The following GLIS3 variants were observed in gnomAD, a reference collection of about 807,000 sequenced individuals.
GLIS3 encodes zinc finger protein GLIS3.
GLIS3 carries 53 observed loss-of-function variants against 78.6 expected under a neutral mutation model. The ratio of observed to expected loss-of-function variants is 0.67; its 90% CI spans 0.54 to 0.85. GLIS3 has a LOEUF of 0.85. GLIS3 is among the 40% of genes least tolerant of loss of function. The pLI, the probability that GLIS3 is intolerant of heterozygous loss-of-function variation, is 0.00. For missense variants in GLIS3, 1,703 were observed against 1,231.1 expected (o/e 1.38, Z -5.74); for synonymous variants, 684 against 509.9 (o/e 1.34, Z -4.60).
At chr9:4,237,945 C>T (rs1450612593) in intron 2 of GLIS3, among the ~76,000 whole-genome samples, 1 of 152,204 alleles carries the variant, frequency 6.6e-6, no homozygotes, top group Non-Finnish European at 1.5e-5. Flanking sequence ...CAAGATGAAT[C>T]CTTTCCATGT....
chr9:4,155,309 G>T (rs1398826249), intron 2 of GLIS3, among the ~76,000 whole-genome samples: 2 of 152,174 alleles, frequency 1.3e-5, no homozygotes, highest in African/African-American at 4.8e-5. Flanking sequence ...AAGCATGATT[G>T]TGCAGCAAAT....
At chr9:4,144,983 G>A (rs1418947664) in intron 2 of GLIS3, 2 of 152,178 alleles carry the variant, frequency 1.3e-5, no homozygotes. Context: ...CCTTGGAAAA[G>A]GCAGTGTCCT....
chr9:3,882,488 GC>G (rs1473344285), intron 7 of GLIS3, among the ~76,000 whole-genome samples: 1 of 12,734 alleles, frequency 7.9e-5, no homozygotes, highest in Non-Finnish European at 2.2e-4. Context: ...GCATTAGCTG[GC>G]TGCATTAGCA....
chr9:4,295,144 T>C (rs531085379), intron 1 of GLIS3, among the ~76,000 whole-genome samples: 22 of 152,344 alleles, frequency 1.4e-4, no homozygotes, highest in African/African-American at 5.0e-4. Flanking sequence ...CAGCTAAAAG[T>C]TGCAAATGAA....
rs1817671514 is a variant in GLIS3, at chr9:3,825,375, C to T, written c.*2897G>A. ...CTAAATTACAACTGACATTTTGATG[C>T]AGTTTCGTTAGGGAATTAAGACAAT... On this transcript the variant is annotated 3_prime_UTR_variant, in exon 11 of 11. Coordinates refer to ENST00000381971, the MANE Select transcript of GLIS3 (RefSeq NM_001042413.2). 1 of 151,900 alleles carries T rather than the reference C, an allele frequency of 6.6e-6. No individual in the cohort carries two copies. Among genetic ancestry groups the T allele is most frequent in the African/African-American group, 2.4e-5 (1 of 41,344 alleles). 9.4% of individuals were successfully genotyped at this position (151,900 alleles called of 1,614,324 possible). A position where few individuals can be genotyped will look rare whatever the true frequency, so the allele number is the denominator to read the frequency against.
chr9:4,092,280 T>A (rs1005182526), intron 4 of GLIS3, among the ~76,000 whole-genome samples: 1 of 151,656 alleles, frequency 6.6e-6, no homozygotes, highest in East Asian at 1.9e-4. Flanking sequence ...GCCTCCCGAG[T>A]AGCTGGGACT....
At chr9:4,438,220 T>C in the GLIS3 span, among the ~76,000 whole-genome samples, 1 of 152,196 alleles carries the variant, frequency 6.6e-6, no homozygotes, top group African/African-American at 2.4e-5. Flanking sequence ...AGTATAATAA[T>C]GAGGCTAAAG....
the GLIS3 span, among the ~76,000 whole-genome samples, chr9:4,363,536 G>C: frequency 3.3e-5 from 5 of 152,140 alleles, no homozygotes; most frequent in Non-Finnish European, 5.9e-5. Flanking sequence ...ACATATTTAA[G>C]ATACTTACAA....
chr9:4,454,658 T>A, the GLIS3 span, among the ~76,000 whole-genome samples: 1 of 152,234 alleles, frequency 6.6e-6, no homozygotes, highest in East Asian at 1.9e-4. Context: ...TCTCTATTTC[T>A]GTTTTGAAGA....
At chr9:4,132,541 G>A (rs543025135) in intron 2 of GLIS3, among the ~76,000 whole-genome samples, 1 of 152,064 alleles carries the variant, frequency 6.6e-6, no homozygotes, top group Admixed American at 6.6e-5. Flanking sequence ...GCGGAGAGAA[G>A]CAACCAACAA....
intron 2 of GLIS3, among the ~76,000 whole-genome samples, chr9:4,162,587 C>T (rs117346127): frequency 0.043 from 6,584 of 152,214 alleles, 196 homozygotes; most frequent in Middle Eastern, 0.11. Context: ...TGGCCGGGTG[C>T]GGTGGCTCAC....
chr9:4,275,478 G>C (rs1289714845), intron 2 of GLIS3, among the ~76,000 whole-genome samples: 5 of 152,034 alleles, frequency 3.3e-5, no homozygotes, highest in Admixed American at 1.3e-4. Flanking sequence ...AATGAGATTG[G>C]GCAGAGCATG....
At position 4,286,362 on chromosome 9, in the gene GLIS3, T is replaced by C. The variant is rs777144853; in HGVS notation, c.64A>G (p.Met22Val). Residue 22 changes from methionine to valine, a missense_variant, in exon 2 of 11, where the codon ATG becomes GTG. Transcript: ENST00000381971. Reference sequence around the variant, plus strand: ...GCAGGAATGTGATGACCACTGACCATCCTAGGCCCCTGTGGGGTTCCCGAT... The same window carrying C: ...GCAGGAATGTGATGACCACTGACCACCCTAGGCCCCTGTGGGGTTCCCGAT... ...RTSGTPQGPR[M>V]VSGHHIPAIR... 2 of 1,614,124 alleles carry C rather than the reference T, an allele frequency of 1.2e-6. No homozygotes were observed. The highest frequency in any genetic ancestry group is 2.2e-5 in the East Asian group (1 of 44,878).
chr9:4,133,871 C>CCGT (rs1223075664), intron 2 of GLIS3, among the ~76,000 whole-genome samples: 1 of 138,008 alleles, frequency 7.2e-6, no homozygotes, highest in African/African-American at 2.7e-5. Context: ...CACACACACA[C>CCGT]ACACCGTACA....
At chr9:4,420,611 G>A in the GLIS3 span, among the ~76,000 whole-genome samples, 6 of 152,156 alleles carry the variant, frequency 3.9e-5, no homozygotes, top group South Asian at 2.1e-4. Flanking sequence ...TTCTGATTAC[G>A]TCAGGGAGAA....
intron 2 of GLIS3, among the ~76,000 whole-genome samples, chr9:4,136,364 C>G (rs1000732692): frequency 6.6e-6 from 1 of 152,184 alleles, no homozygotes; most frequent in African/African-American, 2.4e-5. Flanking sequence ...TCCCAAAGTC[C>G]TTCAGGATGT....
At chr9:4,165,472 C>A (rs1051977966) in intron 2 of GLIS3, among the ~76,000 whole-genome samples, 4 of 152,162 alleles carry the variant, frequency 2.6e-5, no homozygotes, top group Non-Finnish European at 5.9e-5. Flanking sequence ...AACCTACATT[C>A]TTTTCCATGG....
chr9:3,976,519 TC>T (rs1218385952), intron 4 of GLIS3, among the ~76,000 whole-genome samples: 7 of 151,710 alleles, frequency 4.6e-5, no homozygotes, highest in Non-Finnish European at 1.5e-5. Flanking sequence ...AGTAACTCCT[TC>T]CCCTTTCTAA....
At chr9:4,408,631 G>A in the GLIS3 span, among the ~76,000 whole-genome samples, 3 of 144,994 alleles carry the variant, frequency 2.1e-5, no homozygotes, top group African/African-American at 7.9e-5. Flanking sequence ...GGAGGCTGAG[G>A]CAGGAGAATG....
Sources: gnomAD v4.1 joint callset for allele counts (sites outside exome capture counted in the v4.1 genomes callset) on GRCh38, gnomAD v4.1.1 for gene constraint, MANE v1.5 for transcripts, NCBI Gene and HGNC (gene_info 2026-07-23, HGNC 2026-07-21) for gene names.